PCDHA11: variants seen among roughly 807,000 people sequenced by gnomAD.
The protein encoded by PCDHA11 is protocadherin alpha 11, also known as protocadherin alpha-11.
Under a neutral mutation model 70.3 loss-of-function variants are expected in PCDHA11, and 61 were observed. The ratio of observed to expected loss-of-function variants is 0.87; its 90% CI spans 0.71 to 1.07. The LOEUF (loss-of-function observed/expected upper bound fraction) is 1.07. Ranked by LOEUF, PCDHA11 falls within the 50% of genes least tolerant of loss-of-function variation. PCDHA11 has a pLI of 0.00. For missense variants in PCDHA11, 1,324 were observed against 1,237.5 expected (o/e 1.07, Z -1.05); for synonymous variants, 633 against 555.1 (o/e 1.14, Z -1.97).
At chr5:140,982,275 A>G (rs1315034472) in intron 2 of PCDHA11, 200 bp from the exon 3 acceptor site, 3 of 951,630 alleles carry the variant, frequency 3.2e-6, no homozygotes, top group Non-Finnish European at 4.5e-6. Context: ...GGAATAGTAT[A>G]GCAGGCAATA....
chr5:140,990,198 C>T (rs954813003), intron 3 of PCDHA11, among the ~76,000 whole-genome samples: 5 of 151,968 alleles, frequency 3.3e-5, no homozygotes, highest in South Asian at 2.1e-4. Context: ...AATGTGGACC[C>T]GAAAGAGAAC....
intron 1 of PCDHA11, among the ~76,000 whole-genome samples, chr5:140,944,361 A>G (rs1463339181): frequency 6.6e-6 from 1 of 151,888 alleles, no homozygotes; most frequent in Non-Finnish European, 1.5e-5. Flanking sequence ...CTAATTTTTA[A>G]TTTTTTATAG....
intron 1 of PCDHA11, among the ~76,000 whole-genome samples, chr5:140,957,854 T>C (rs2095390646): frequency 6.6e-6 from 1 of 151,872 alleles, no homozygotes; most frequent in Non-Finnish European, 1.5e-5. Context: ...GTTTGTGTAT[T>C]TTTTTTCCTA....
At chr5:141,006,108 T>C (rs1268824828) in intron 3 of PCDHA11, among the ~76,000 whole-genome samples, 5 of 151,864 alleles carry the variant, frequency 3.3e-5, no homozygotes. Context: ...GTAAGGAGTT[T>C]TTTTTTTTTT....
rs75101825 is a variant in PCDHA11, at chr5:140,914,430, C to A, written c.2391+42936C>A. On this transcript the variant is annotated intron_variant, in intron 1 of 3. Coordinates refer to ENST00000398640, the MANE Select transcript of PCDHA11 (RefSeq NM_018902.5). ...TTTTGTTTCCATTAGCAAGGAATAT[C>A]TTTTCCCATGTCTTTATTTTCCAGT... Among the ~76,000 whole-genome samples the A allele has an allele frequency of 8.0e-3, 1,215 of 152,204 alleles. 6 individuals carry two copies. Among genetic ancestry groups the A allele is most frequent in the African/African-American group, 0.019 (784 of 41,536 alleles).
chr5:140,945,079 T>C (rs1554216701), intron 1 of PCDHA11, among the ~76,000 whole-genome samples: 1 of 152,126 alleles, frequency 6.6e-6, no homozygotes, highest in South Asian at 2.1e-4. Context: ...ACCAAAACAC[T>C]CTTGGAACTA....
chr5:140,891,756 G>A (rs782304941), intron 1 of PCDHA11, among the ~76,000 whole-genome samples: 20 of 152,144 alleles, frequency 1.3e-4, no homozygotes, highest in Non-Finnish European at 2.5e-4. Flanking sequence ...AACAGTGTTG[G>A]GAGGTGGGGA....
chr5:140,928,801 G>T (rs1554206325), intron 1 of PCDHA11: 1 of 1,614,066 alleles, frequency 6.2e-7, no homozygotes, highest in African/African-American at 1.3e-5. Flanking sequence ...GGTGGTGGTA[G>T]TGGTTCGGGA....
At chr5:140,979,537 A>G (rs538323100) in intron 2 of PCDHA11, among the ~76,000 whole-genome samples, 1 of 152,332 alleles carries the variant, frequency 6.6e-6, no homozygotes, top group East Asian at 1.9e-4. Context: ...ATTGTCATCA[A>G]TGACATGGTT....
intron 1 of PCDHA11, among the ~76,000 whole-genome samples, chr5:140,956,132 C>G (rs782171826): frequency 2.6e-5 from 4 of 152,028 alleles, no homozygotes; most frequent in Admixed American, 6.6e-5. Context: ...ATTTGAATAC[C>G]CTTTATTTCT....
intron 1 of PCDHA11, among the ~76,000 whole-genome samples, chr5:140,904,645 T>A (rs1554191647): frequency 6.6e-6 from 1 of 152,128 alleles, no homozygotes; most frequent in Non-Finnish European, 1.5e-5. Context: ...CTCCACACTG[T>A]TTTCCATAGT....
At chr5:140,940,636 C>A (rs1554213535) in intron 1 of PCDHA11, among the ~76,000 whole-genome samples, 1 of 152,106 alleles carries the variant, frequency 6.6e-6, no homozygotes. Flanking sequence ...TTAAGCTTGT[C>A]ATTTATTTAT....
chr5:140,958,810 G>C (rs2095443726), intron 1 of PCDHA11, among the ~76,000 whole-genome samples: 1 of 151,988 alleles, frequency 6.6e-6, no homozygotes, highest in African/African-American at 2.4e-5. Flanking sequence ...ACACCATTCT[G>C]TTTTAATTTT....
chr5:141,009,021 G>A (rs997779963), intron 3 of PCDHA11, among the ~76,000 whole-genome samples: 1 of 152,246 alleles, frequency 6.6e-6, no homozygotes, highest in Non-Finnish European at 1.5e-5. Context: ...TTTAGGCTCT[G>A]TATTTCCCAT....
At chr5:140,898,466 T>C (rs1331469917) in intron 1 of PCDHA11, among the ~76,000 whole-genome samples, 1 of 152,202 alleles carries the variant, frequency 6.6e-6, no homozygotes, top group Admixed American at 6.5e-5. Context: ...CCATTGCTTG[T>C]TTTTCTCAGG....
chr5:140,904,328 C>T (rs1469107868), intron 1 of PCDHA11, among the ~76,000 whole-genome samples: 2 of 151,958 alleles, frequency 1.3e-5, no homozygotes, highest in South Asian at 2.1e-4. Flanking sequence ...ATAATGGTCT[C>T]CAGTTCCATC....
intron 1 of PCDHA11, among the ~76,000 whole-genome samples, chr5:140,935,795 C>T (rs1366379710): frequency 2.0e-5 from 3 of 151,764 alleles, no homozygotes; most frequent in Admixed American, 6.6e-5. Flanking sequence ...AAAATATAAA[C>T]GAGATTATTT....
At position 141,005,925 on chromosome 5, in the gene PCDHA11, T is replaced by C. The variant is rs368127914; in HGVS notation, c.2540-3702T>C. On this transcript the variant is annotated intron_variant, in intron 3 of 3. Transcript: ENST00000398640. ...TTGCACCACTGCACTTCAGCCTGGT[T>C]GACAGAGTGAGAACCTATCTCTAAC... 4.1e-4 allele frequency among the ~76,000 whole-genome samples: 62 copies of C among 151,990 alleles called. 1 individual carries two copies. The highest frequency in any genetic ancestry group is 1.4e-3 in the African/African-American group (59 of 41,476).
intron 1 of PCDHA11, chr5:140,968,040 G>A: frequency 1.2e-6 from 2 of 1,614,162 alleles, no homozygotes; most frequent in African/African-American, 1.3e-5. Context: ...GTGGTGAGCG[G>A]CCCACTGGAC....
Sources: allele counts gnomAD v4.1 joint callset (sites outside exome capture counted in the v4.1 genomes callset), GRCh38; gene constraint gnomAD v4.1.1; transcripts MANE v1.5; gene names NCBI Gene and HGNC (gene_info 2026-07-23, HGNC 2026-07-21).